Variants in OSBPL3 observed in about 807,000 individuals in gnomAD.
OSBPL3 encodes the protein oxysterol-binding protein-related protein 3.
Under a neutral mutation model 120.1 loss-of-function variants are expected in OSBPL3, and 65 were observed. That is an observed-to-expected ratio of 0.54 (90% confidence interval 0.44 to 0.67). The LOEUF (loss-of-function observed/expected upper bound fraction) is 0.67. Among genes scored for constraint, OSBPL3 ranks in the 30% least tolerant of loss-of-function variants. The probability of loss-of-function intolerance (pLI) is 0.00; values close to 1 mark genes in which losing one functional copy is unlikely to be tolerated. For synonymous variants in OSBPL3, 416 were observed against 402.6 expected (o/e 1.03, Z -0.40); for missense variants, 1,004 against 1,082.1 (o/e 0.93, Z 1.01).
chr7:24,936,351 A>G lies in OSBPL3; in HGVS notation c.-150+43535T>C, dbSNP rs1812422868. Among the ~76,000 whole-genome samples the G allele has an allele frequency of 6.6e-6, 1 of 152,184 alleles. No homozygotes were observed. ...TCTTTCAATATAACCTTTAATGACC[A>G]CAGACTATGTACTAAAATTATGCAA... On this transcript the variant is annotated intron_variant, in intron 1 of 22. Transcript: ENST00000313367. This position sits in a 1 kb window ranked among gnomAD's most constrained non-coding sequence, Gnocchi z 4.2.
chr7:24,806,923 T>C lies in OSBPL3; in HGVS notation c.2318-21A>G. 6.3e-7 allele frequency: 1 copy of C among 1,598,372 alleles called. No homozygotes were observed. The highest frequency in any genetic ancestry group is 8.5e-7 in the Non-Finnish European group (1 of 1,170,762). ...AGGATCTAAGAAGAAAATAAATCAT[T>C]CACCCCTAACTTGCATGTTACTTAT... On this transcript the variant is annotated intron_variant, in intron 20 of 22. Coordinates refer to ENST00000313367, the MANE Select transcript of OSBPL3 (RefSeq NM_015550.4). The surrounding 1 kb of genome is among the most constrained non-coding windows in gnomAD (Gnocchi z 5.2).
rs935576232 is a variant in OSBPL3 at position 24,942,836 on chromosome 7, C to A, written c.-150+37050G>T. Among the ~76,000 whole-genome samples the A allele has an allele frequency of 5.9e-5, 9 of 152,296 alleles. No individual in the cohort carries two copies. In the East Asian group the frequency reaches 1.7e-3, roughly 29 times the overall value. ...ATAACGATCATGAATAGCCTCATGG[C>A]AGGACAGGGCAAACTTTGCCATCAA... is the stretch of plus-strand genomic sequence containing the variant. On this transcript the variant is annotated intron_variant, in intron 1 of 22. Coordinates refer to ENST00000313367, the MANE Select transcript of OSBPL3 (RefSeq NM_015550.4).
chr7:24,838,445 G>A (rs1447586324), intron 14 of OSBPL3, among the ~76,000 whole-genome samples: 6 of 152,162 alleles, frequency 3.9e-5, no homozygotes, highest in South Asian at 2.1e-4. Flanking sequence ...GCAGTAAACC[G>A]AGATCGCACC....
chr7:24,891,417 G>A lies in OSBPL3; in HGVS notation c.96+960C>T, dbSNP rs945806298. ...AGACCCCTGATGATGTGTCATAAAC[G>A]TGTAGACGTGACTGAGGTGGGAGTT... On this transcript the variant is annotated intron_variant, in intron 2 of 22. Transcript: ENST00000313367. The surrounding 1 kb of genome is among the most constrained non-coding windows in gnomAD (Gnocchi z 4.1). 6.6e-6 allele frequency among the ~76,000 whole-genome samples: 1 copy of A among 152,184 alleles called. No homozygotes were observed. The highest frequency in any genetic ancestry group is 2.4e-5 in the African/African-American group (1 of 41,440).
In OSBPL3 at chr7:24,870,743, A is replaced by G; in HGVS notation, c.370T>C (p.Tyr124His). 6.3e-7 allele frequency: 1 copy of G among 1,599,018 alleles called. No homozygotes were observed. Among genetic ancestry groups the G allele is most frequent in the Non-Finnish European group, 8.6e-7 (1 of 1,166,166 alleles). Residue 124 changes from tyrosine (Y) to histidine (H), a missense_variant, in exon 5 of 23, where the codon TAC (tyrosine) becomes CAC (histidine). Physicochemically the swap from Tyr to His is moderately conservative, Grantham distance 83 (BLOSUM62 2). Coordinates refer to ENST00000313367, the MANE Select transcript of OSBPL3 (RefSeq NM_015550.4). ...GGAAGCAGCCTCACCTTCAGATGGT[A>G]GATGTGCTCCTCGGTGTCAAGGTCT... is the stretch of plus-strand genomic sequence containing the variant. ...CIDLDTEEHI[Y>H]HLKVKSEEVF...
In OSBPL3 at chr7:24,892,511, CA is replaced by C. The variant is rs1297535377; in HGVS notation, c.-40del. The C allele has an allele frequency of 6.2e-7, 1 of 1,600,160 alleles. No individual in the cohort carries two copies. The highest frequency in any genetic ancestry group is 1.7e-5 in the Admixed American group (1 of 59,788). On this transcript the variant is annotated 5_prime_UTR_variant, in exon 2 of 23. An upstream start codon of the reference 5' UTR is lost. Coordinates refer to ENST00000313367, the MANE Select transcript of OSBPL3 (RefSeq NM_015550.4). ...CTTGGCCTCGAGACAATCAAAATGC[CA>C]TCAGATGACAAGGGAGCCGAGAGTA...
Position 24,821,422 on chromosome 7 carries a change from TA to T in OSBPL3, c.1885-1185del, listed in dbSNP as rs1308674956. ...CAGAATACTGAGCCCTTGCTTGAGA[TA>T]AACAGGTGGGGAGGAAGGGAGGGCA... On this transcript the variant is annotated intron_variant, in intron 16 of 22. Coordinates refer to ENST00000313367, the MANE Select transcript of OSBPL3 (RefSeq NM_015550.4). This position sits in a 1 kb window ranked among gnomAD's most constrained non-coding sequence, Gnocchi z 5.5. Among the ~76,000 whole-genome samples, 1 of 152,186 alleles carries T rather than the reference TA, an allele frequency of 6.6e-6. No individual in the cohort carries two copies. The highest frequency in any genetic ancestry group is 2.4e-5 in the African/African-American group (1 of 41,434).
Position 24,806,597 on chromosome 7 carries a change from G to T in OSBPL3, c.2444+179C>A, listed in dbSNP as rs1793071887. ...AGATAATAAAGGCCATGCCACACATGGATCCTAGTTGGGCCCCATCTCCTC... is the reference window on the plus strand; with the variant it reads ...AGATAATAAAGGCCATGCCACACATTGATCCTAGTTGGGCCCCATCTCCTC... On this transcript the variant is annotated intron_variant, in intron 21 of 22. Coordinates refer to ENST00000313367, the MANE Select transcript of OSBPL3 (RefSeq NM_015550.4). The surrounding 1 kb of genome is among the most constrained non-coding windows in gnomAD (Gnocchi z 5.2). Among the ~76,000 whole-genome samples, 2 of 152,120 alleles carry T rather than the reference G, an allele frequency of 1.3e-5. 1 individual carries two copies.
chr7:24,957,779 T>C (rs548520870), intron 1 of OSBPL3, among the ~76,000 whole-genome samples: 153 of 152,254 alleles, frequency 1.0e-3, no homozygotes, highest in Admixed American at 2.4e-3. Context: ...AAAAACAGAC[T>C]AGAATTCAAG....
At position 24,852,067 on chromosome 7, in the gene OSBPL3, GAAGAT is replaced by G. The variant is rs1384547455; in HGVS notation, c.1158+432_1158+436del. Among the ~76,000 whole-genome samples, 1 of 152,172 alleles carries G rather than the reference GAAGAT, an allele frequency of 6.6e-6. No homozygotes were observed. Among genetic ancestry groups the G allele is most frequent in the East Asian group, 1.9e-4 (1 of 5,198 alleles). On this transcript the variant is annotated intron_variant, in intron 11 of 22. Coordinates refer to ENST00000313367, the MANE Select transcript of OSBPL3 (RefSeq NM_015550.4). This position sits in a 1 kb window ranked among gnomAD's most constrained non-coding sequence, Gnocchi z 4.1. ...AACAGGATCAGTGCTTTGCAATAGG[GAAGAT>G]AAGAGCATGAATTGGAAATTTCACT...
At position 24,892,409 on chromosome 7, in the gene OSBPL3, T is replaced by C. The variant is rs1227736204; in HGVS notation, c.64A>G (p.Ser22Gly). Residue 22 changes from serine (S) to glycine (G), a missense_variant, in exon 2 of 23, where the codon AGT becomes GGT. Transcript: ENST00000313367. Reference protein sequence around the residue: ...QKLVSPSRSTSSCSSKQGSRQ... With the variant: ...QKLVSPSRSTGSCSSKQGSRQ... ...CTTCCTTGCTTGGAAGAGCAGCTAC[T>C]TGTGCTCCTTGAAGGTGATACCAAT... is the stretch of plus-strand genomic sequence containing the variant. 9.3e-6 allele frequency: 15 copies of C among 1,613,742 alleles called. No individual in the cohort carries two copies. The highest frequency in any genetic ancestry group is 6.7e-5 in the Admixed American group (4 of 60,018).
chr7:24,865,367 T>C lies in OSBPL3; in HGVS notation c.648A>G (p.Ser216=), dbSNP rs759852523. Residue 216 remains serine, a synonymous_variant, in exon 7 of 23, where the codon TCA becomes TCG. Transcript: ENST00000313367. ...ETRVPLWLQS[S]EDMEKCSKDL... is the part of the protein sequence containing the mutation. ...CTTTGGAGCATTTTTCCATGTCCTC[T>C]GAAGACTGTAACCATAATGGAACTC... 1.1e-5 allele frequency: 18 copies of C among 1,613,928 alleles called. No homozygotes were observed. Among genetic ancestry groups the C allele is most frequent in the Admixed American group, 5.0e-5 (3 of 60,008 alleles).
intron 1 of OSBPL3, among the ~76,000 whole-genome samples, chr7:24,962,225 C>A (rs1317460472): frequency 6.6e-6 from 1 of 151,714 alleles, no homozygotes; most frequent in Non-Finnish European, 1.5e-5. Flanking sequence ...ATCGCTTGAA[C>A]CTGGGAGGCG....
At chr7:24,864,739 G>A (rs529323250) in intron 7 of OSBPL3, among the ~76,000 whole-genome samples, 14 of 152,072 alleles carry the variant, frequency 9.2e-5, no homozygotes, top group Non-Finnish European at 1.5e-4. Flanking sequence ...GGATCTTTTC[G>A]GTTTTTAGTT....
Position 24,953,422 on chromosome 7 carries a change from T to C in OSBPL3, c.-150+26464A>G, listed in dbSNP as rs948935550. Among the ~76,000 whole-genome samples, 9 of 152,184 alleles carry C rather than the reference T, an allele frequency of 5.9e-5. No individual in the cohort carries two copies. Among genetic ancestry groups the C allele is most frequent in the African/African-American group, 2.2e-4 (9 of 41,440 alleles). On this transcript the variant is annotated intron_variant, in intron 1 of 22. Transcript: ENST00000313367. The surrounding 1 kb of genome is among the most constrained non-coding windows in gnomAD (Gnocchi z 4.3). ...TGCTCAGAAGTTGAGTTTAAATGTG[T>C]CTTATTAAAGTATTGTGTTAAAAAA...
intron 1 of OSBPL3, among the ~76,000 whole-genome samples, 170 bp downstream of exon 1, chr7:24,979,716 G>C (rs568704712): frequency 3.3e-5 from 5 of 152,262 alleles, no homozygotes; most frequent in East Asian, 1.9e-4. Context: ...CGGCACCCAA[G>C]CTCCCAGGCT....
Position 24,855,400 on chromosome 7 carries a change from G to A in OSBPL3, c.1028-2766C>T, listed in dbSNP as rs1245989191. On this transcript the variant is annotated intron_variant, in intron 10 of 22. Coordinates refer to ENST00000313367, the MANE Select transcript of OSBPL3 (RefSeq NM_015550.4). This position sits in a 1 kb window ranked among gnomAD's most constrained non-coding sequence, Gnocchi z 4.3. ...AGTCCTACATAAATTTTAAAAACTG[G>A]CAGAATATACAATATTTGGTTCAAA... Among the ~76,000 whole-genome samples the A allele has an allele frequency of 1.3e-5, 2 of 152,106 alleles. No homozygotes were observed. The highest frequency in any genetic ancestry group is 4.8e-5 in the African/African-American group (2 of 41,390).
chr7:24,846,332 G>A (rs1408813765), intron 12 of OSBPL3, among the ~76,000 whole-genome samples: 1 of 152,214 alleles, frequency 6.6e-6, no homozygotes, highest in Non-Finnish European at 1.5e-5. Flanking sequence ...TGTATGTCTG[G>A]AGGAAGTTAT....
chr7:24,907,599 T>C, intron 1 of OSBPL3, among the ~76,000 whole-genome samples: 1 of 152,212 alleles, frequency 6.6e-6, no homozygotes. Flanking sequence ...TAGTGAGTCC[T>C]TCTTTATGGA....
Sources: gnomAD v4.1 joint callset for allele counts (sites outside exome capture counted in the v4.1 genomes callset) on GRCh38, gnomAD v4.1.1 for gene constraint, Gnocchi (gnomAD v3.1) non-coding constraint, MANE v1.5 for transcripts, NCBI Gene and HGNC (gene_info 2026-07-23, HGNC 2026-07-21) for gene names.